Variants in FRMD8 observed in about 807,000 individuals in gnomAD.
FRMD8 encodes FERM domain containing 8, also known as FERM domain-containing protein 8.
Under a neutral mutation model 54.2 loss-of-function variants are expected in FRMD8, and 37 were observed. The ratio of observed to expected loss-of-function variants is 0.68; its 90% CI spans 0.53 to 0.90. The LOEUF is 0.90. FRMD8 is among the 40% of genes least tolerant of loss of function. FRMD8 has a pLI of 0.00. For missense variants in FRMD8, 585 were observed against 653.7 expected, an observed-to-expected ratio of 0.89 and a Z score of 1.15; for synonymous variants, 246 against 286.9, an observed-to-expected ratio of 0.86 and a Z score of 1.44.
At chr11:65,380,040 A>G in the FRMD8 span, 79 of 1,585,876 alleles carry the variant, frequency 5.0e-5, no homozygotes, top group Middle Eastern at 5.0e-4. Flanking sequence ...GAGAGGCAGG[A>G]AAGGCAAGAT....
In FRMD8 at chr11:65,394,350, A is replaced by T. The variant is rs1855903235; in HGVS notation, c.506A>T (p.Glu169Val). Residue 169 changes from glutamate (E) to valine (V), a missense_variant, in exon 6 of 11, where the codon GAG (glutamate) becomes GTG (valine). By Grantham distance (121) the Glu-to-Val change is moderately radical. Transcript: ENST00000317568. Reference protein sequence around the residue: ...ARYPCDVEDCEALGALVCRVQ... With the variant: ...ARYPCDVEDCVALGALVCRVQ... ...TACCCGTGCGACGTGGAGGACTGCG[A>T]GGCTCTGGGCGCCCTGGTGTGCCGC... The T allele has an allele frequency of 6.3e-7, 1 of 1,581,160 alleles. No homozygotes were observed.
At chr11:65,408,292 T>TC (rs1856253224) in intron 10 of FRMD8, among the ~76,000 whole-genome samples, 1 of 152,046 alleles carries the variant, frequency 6.6e-6, no homozygotes, top group South Asian at 2.1e-4. Flanking sequence ...CAGGCTGGTC[T>TC]CCAACTCCCG....
chr11:65,376,944 C>G, the FRMD8 span: 1 of 1,613,050 alleles, frequency 6.2e-7, no homozygotes, highest in South Asian at 1.1e-5. Context: ...CGGGGCCCCT[C>G]CTCCCGGAAG....
chr11:65,385,523 G>A (rs911361956), upstream of FRMD8, among the ~76,000 whole-genome samples: 5 of 152,290 alleles, frequency 3.3e-5, no homozygotes, highest in South Asian at 1.0e-3. Context: ...ACAACTTCTG[G>A]TTCCTCTGGC....
rs768123135 is a variant in FRMD8, at chr11:65,400,886, G to A, written c.1071+19G>A. On this transcript the variant is annotated intron_variant, in intron 9 of 10. Coordinates refer to ENST00000317568, the MANE Select transcript of FRMD8 (RefSeq NM_031904.5). This position sits in a 1 kb window ranked among gnomAD's most constrained non-coding sequence, Gnocchi z 4.3. ...CAAGCAGGTAGCGCGGGTGGTGCCT[G>A]CACACGGGTGGGGAGGCTGGGCCCA... 2 of 1,581,038 alleles carry A rather than the reference G, an allele frequency of 1.3e-6. No individual in the cohort carries two copies. The highest frequency in any genetic ancestry group is 1.3e-5 in the African/African-American group (1 of 74,200).
intron 6 of FRMD8, 59 bp from the exon 7 acceptor site, chr11:65,396,740 C>T: frequency 1.7e-6 from 2 of 1,178,904 alleles, no homozygotes; most frequent in Non-Finnish European, 1.1e-6. Flanking sequence ...CCCTCGCCCT[C>T]CCCCGTGAGC....
the FRMD8 span, chr11:65,379,906 G>A: frequency 1.2e-6 from 2 of 1,614,110 alleles, no homozygotes; most frequent in African/African-American, 1.3e-5. Context: ...AATCAACGAT[G>A]CCCCGGTAGG....
At chr11:65,401,361 C>CCCTCCCCTGCCTCCCTCCCCTGCT (rs1856076677) in intron 9 of FRMD8, among the ~76,000 whole-genome samples, 1 of 37,984 alleles carries the variant, frequency 2.6e-5, no homozygotes, top group Non-Finnish European at 4.8e-5. Flanking sequence ...CCTCCCCTGC[C>CCCTCCCCTGCCTCCCTCCCCTGCT]TCCCTCCCCT....
intron 7 of FRMD8, among the ~76,000 whole-genome samples, chr11:65,399,288 C>T (rs931043512): frequency 1.3e-5 from 2 of 152,038 alleles, no homozygotes; most frequent in African/African-American, 2.4e-5. Flanking sequence ...CATGAGCCAC[C>T]GCGCCCAGCC....
intron 3 of FRMD8, among the ~76,000 whole-genome samples, chr11:65,393,173 G>A (rs973652237): frequency 3.9e-5 from 6 of 152,210 alleles, no homozygotes; most frequent in Non-Finnish European, 7.4e-5. Context: ...GGGGGGGCAA[G>A]GCAGCCCCTT....
the FRMD8 span, among the ~76,000 whole-genome samples, chr11:65,372,073 G>A: frequency 6.6e-6 from 1 of 151,842 alleles, no homozygotes; most frequent in East Asian, 1.9e-4. Context: ...CACCACGCCT[G>A]GCTAATTTTT....
Position 65,396,896 on chromosome 11 carries a change from G to A in FRMD8, c.679G>A (p.Glu227Lys), listed in dbSNP as rs759928368. 2.6e-5 allele frequency: 40 copies of A among 1,558,018 alleles called. No individual in the cohort carries two copies. Among genetic ancestry groups the A allele is most frequent in the South Asian group, 9.5e-5 (8 of 84,182 alleles). Residue 227 changes from glutamate (E) to lysine (K), a missense_variant, in exon 7 of 11, where the codon GAG (glutamate) becomes AAG (lysine). Transcript: ENST00000317568. ...RGRGARAGPG[E>K]QGLLNAYRQV... is the part of the protein sequence containing the mutation. ...CCGTGGGGCCAGGGCCGGGCCGGGC[G>A]AGCAGGGCCTGCTGAACGCCTACCG... is the stretch of plus-strand genomic sequence containing the variant.
rs1856152441 is a variant in FRMD8 at position 65,404,683 on chromosome 11, C to T, written c.1072-181C>T. 1.3e-5 allele frequency among the ~76,000 whole-genome samples: 2 copies of T among 152,154 alleles called. No individual in the cohort carries two copies. Among genetic ancestry groups the T allele is most frequent in the African/African-American group, 2.4e-5 (1 of 41,428 alleles). ...GATCTGGAGACCCCTCCTCATCCAC[C>T]AGGACTCACCTTCACAGTCACCCAA... On this transcript the variant is annotated intron_variant, in intron 9 of 10. Coordinates refer to ENST00000317568, the MANE Select transcript of FRMD8 (RefSeq NM_031904.5). This position sits in a 1 kb window ranked among gnomAD's most constrained non-coding sequence, Gnocchi z 4.7.
the FRMD8 span, chr11:65,368,087 T>TC: frequency 7.0e-6 from 1 of 142,242 alleles, no homozygotes; most frequent in Non-Finnish European, 1.5e-5. Flanking sequence ...TTTTTGTTTT[T>TC]TTTTTTGAGA....
At chr11:65,393,350 T>A (rs1392829644) in intron 3 of FRMD8, among the ~76,000 whole-genome samples, 1 of 152,234 alleles carries the variant, frequency 6.6e-6, no homozygotes, top group African/African-American at 2.4e-5. Flanking sequence ...CCCCGTCGCT[T>A]GCTGTGTGAC....
Position 65,389,537 on chromosome 11 carries a change from T to A in FRMD8, c.253+9T>A. On this transcript the variant is annotated intron_variant, in intron 3 of 10. Transcript: ENST00000317568. ...GGTCTCCCCTCTGCTGGGTAAGGCTTGGCAGTGAGGAGCCCAGGCTGGAGG... is the reference window on the plus strand; with the variant it reads ...GGTCTCCCCTCTGCTGGGTAAGGCTAGGCAGTGAGGAGCCCAGGCTGGAGG... The A allele has an allele frequency of 6.4e-7, 1 of 1,565,360 alleles. No homozygotes were observed. Among genetic ancestry groups the A allele is most frequent in the Non-Finnish European group, 8.6e-7 (1 of 1,160,484 alleles).
chr11:65,407,409 G>A (rs1360735235), intron 10 of FRMD8, among the ~76,000 whole-genome samples: 1 of 151,592 alleles, frequency 6.6e-6, no homozygotes, highest in Non-Finnish European at 1.5e-5. Context: ...GAGCTACCAC[G>A]CCCAACTAAG....
rs113092434 is a variant in FRMD8 at position 65,404,317 on chromosome 11, TC to T, written c.1072-545del. Among the ~76,000 whole-genome samples the T allele has an allele frequency of 1.7e-4, 26 of 152,304 alleles. 1 individual carries two copies. The highest frequency in any genetic ancestry group is 5.8e-4 in the African/African-American group (24 of 41,570). On this transcript the variant is annotated intron_variant, in intron 9 of 10. Coordinates refer to ENST00000317568, the MANE Select transcript of FRMD8 (RefSeq NM_031904.5). The surrounding 1 kb of genome is among the most constrained non-coding windows in gnomAD (Gnocchi z 4.7). ...CTCCCTCAAACCCCTGAAGGCCCTG[TC>T]CTTGGTGCCCAGCTGTGCCCGCTGG...
the FRMD8 span, chr11:65,376,987 C>T: frequency 1.9e-6 from 3 of 1,613,422 alleles, no homozygotes; most frequent in Non-Finnish European, 8.5e-7. Context: ...GCCCCTGGTA[C>T]CGGGGTGGGG....
Sources: gnomAD v4.1 joint callset for allele counts (sites outside exome capture counted in the v4.1 genomes callset) on GRCh38, gnomAD v4.1.1 for gene constraint, Gnocchi (gnomAD v3.1) non-coding constraint, MANE v1.5 for transcripts, NCBI Gene and HGNC (gene_info 2026-07-23, HGNC 2026-07-21) for gene names.